TEAD1: variants seen among roughly 807,000 people sequenced by gnomAD.
The protein encoded by TEAD1 is transcriptional enhancer factor TEF-1.
TEAD1 carries 9 observed loss-of-function variants against 54.9 expected under a neutral mutation model. The ratio of observed to expected loss-of-function variants is 0.16; its 90% CI spans 0.10 to 0.29. The LOEUF (loss-of-function observed/expected upper bound fraction) is 0.29. TEAD1 is among the 10% of genes least tolerant of loss of function. The pLI is 1.00. For synonymous variants in TEAD1, 200 were observed against 187.8 expected, an observed-to-expected ratio of 1.07 and a Z score of -0.53; for missense variants, 387 against 535.9, an observed-to-expected ratio of 0.72 and a Z score of 2.74.
In TEAD1 at chr11:12,700,362, T is replaced by C. The variant is rs374504173; in HGVS notation, c.-55+24801T>C. Among the ~76,000 whole-genome samples, 4 of 152,182 alleles carry C rather than the reference T, an allele frequency of 2.6e-5. No homozygotes were observed. In the East Asian group the frequency reaches 7.7e-4, roughly 29 times the overall value. On this transcript the variant is annotated intron_variant, in intron 2 of 12. Coordinates refer to ENST00000527636, the MANE Select transcript of TEAD1 (RefSeq NM_021961.6). Reference sequence around the variant, plus strand: ...TCCATTTAAACCCTTTTGTTTTAGGTACAAATACCCAACCTGTGTGCACTT... The same window carrying C: ...TCCATTTAAACCCTTTTGTTTTAGGCACAAATACCCAACCTGTGTGCACTT...
chr11:12,716,665 A>C (rs1020689995), intron 2 of TEAD1, among the ~76,000 whole-genome samples: 1 of 152,214 alleles, frequency 6.6e-6, no homozygotes, highest in African/African-American at 2.4e-5. Flanking sequence ...GACAACATGA[A>C]AACCAGTGGA....
chr11:12,937,111 G>C lies in TEAD1; in HGVS notation c.1170G>C (p.Val390=), dbSNP rs749002309. The C allele has an allele frequency of 5.0e-6, 8 of 1,609,892 alleles. No individual in the cohort carries two copies. The highest frequency in any genetic ancestry group is 5.9e-6 in the Non-Finnish European group (7 of 1,176,742). Residue 390 remains valine, a splice_region_variant and synonymous_variant, in exon 13 of 13, where the codon GTG becomes GTC. Transcript: ENST00000527636. Reference sequence around the variant, plus strand: ...ATACTTTTTTTTTATCTTAACAGGTGGTAACAAACAGGGATACACAAGAAA... The same window carrying C: ...ATACTTTTTTTTTATCTTAACAGGTCGTAACAAACAGGGATACACAAGAAA...
chr11:12,925,379 C>T (rs575586512), intron 11 of TEAD1, among the ~76,000 whole-genome samples: 1 of 152,256 alleles, frequency 6.6e-6, no homozygotes, highest in South Asian at 2.1e-4. Context: ...AACCACCACA[C>T]ACTTTTAAAC....
Position 12,880,652 on chromosome 11 carries a change from A to G in TEAD1, c.466-353A>G, listed in dbSNP as rs144660270. 3.9e-4 allele frequency among the ~76,000 whole-genome samples: 60 copies of G among 152,306 alleles called. No homozygotes were observed. The East Asian group carries it at 5.2e-3, about 13-fold the overall frequency. On this transcript the variant is annotated intron_variant, in intron 6 of 12. Transcript: ENST00000527636. ...GTTGACGCAGAATATTATGCAGGGA[A>G]TGTTTCAGAATGAAGGGAGGGTACA...
At chr11:12,758,050 G>A (rs1219798948) in intron 2 of TEAD1, among the ~76,000 whole-genome samples, 2 of 152,200 alleles carry the variant, frequency 1.3e-5, no homozygotes, top group African/African-American at 2.4e-5. Context: ...AAAGTGCTAG[G>A]CATTATAGGC....
intron 3 of TEAD1, among the ~76,000 whole-genome samples, chr11:12,810,371 C>T (rs1946275901): frequency 6.6e-6 from 1 of 152,098 alleles, no homozygotes; most frequent in South Asian, 2.1e-4. Flanking sequence ...GATGTATGGA[C>T]GCTGGAGCAT....
At chr11:12,765,031 A>T (rs1436525692) in intron 3 of TEAD1, among the ~76,000 whole-genome samples, 1 of 151,678 alleles carries the variant, frequency 6.6e-6, no homozygotes, top group Non-Finnish European at 1.5e-5. Flanking sequence ...GCCAGTTTGC[A>T]GTTGAATGGT....
At chr11:12,919,819 A>G (rs1224518714) in intron 10 of TEAD1, among the ~76,000 whole-genome samples, 1 of 152,216 alleles carries the variant, frequency 6.6e-6, no homozygotes, top group African/African-American at 2.4e-5. Flanking sequence ...TATGTATACA[A>G]CATATGTTGA....
intron 2 of TEAD1, among the ~76,000 whole-genome samples, chr11:12,685,654 C>T (rs1267356725): frequency 2.0e-5 from 3 of 152,118 alleles, no homozygotes; most frequent in South Asian, 4.2e-4. Context: ...TAAAATGAAA[C>T]TTTTTTACTT....
intron 3 of TEAD1, among the ~76,000 whole-genome samples, chr11:12,814,681 G>A (rs938084137): frequency 7.2e-5 from 11 of 152,164 alleles, no homozygotes; most frequent in Admixed American, 3.3e-4. Flanking sequence ...CAGCAAGGGC[G>A]AGAGGCTTAG....
At chr11:12,674,997 T>TC (rs1943045644) in intron 1 of TEAD1, among the ~76,000 whole-genome samples, 163 bp downstream of exon 1, 1 of 140,714 alleles carries the variant, frequency 7.1e-6, no homozygotes, top group African/African-American at 2.6e-5. Context: ...CACACCCGCC[T>TC]CCCCGCGCCC....
intron 3 of TEAD1, among the ~76,000 whole-genome samples, chr11:12,817,319 G>A (rs1590180105): frequency 6.6e-6 from 1 of 152,298 alleles, no homozygotes; most frequent in East Asian, 1.9e-4. Flanking sequence ...TAAACATTTA[G>A]TGGTCAGCCA....
intron 3 of TEAD1, among the ~76,000 whole-genome samples, chr11:12,834,970 A>G (rs956531928): frequency 5.9e-5 from 9 of 152,152 alleles, no homozygotes; most frequent in Admixed American, 6.5e-5. Flanking sequence ...AATTGTGTAT[A>G]TAGAGAAAAT....
chr11:12,693,605 G>A (rs1029627028), intron 2 of TEAD1, among the ~76,000 whole-genome samples: 2 of 152,228 alleles, frequency 1.3e-5, no homozygotes, highest in African/African-American at 4.8e-5. Context: ...AAGCTTTGAT[G>A]ACGGCTTCCC....
chr11:12,925,621 A>C (rs1294346415), intron 11 of TEAD1, among the ~76,000 whole-genome samples: 1 of 152,234 alleles, frequency 6.6e-6, no homozygotes, highest in African/African-American at 2.4e-5. Context: ...GTCCCGTGCC[A>C]GTCCTCTGAC....
intron 5 of TEAD1, chr11:12,878,811 G>GCT (rs553963005): frequency 3.4e-5 from 26 of 767,292 alleles, no homozygotes; most frequent in South Asian, 1.6e-4. Flanking sequence ...ATATATATAT[G>GCT]TTTTTTTTTT....
intron 2 of TEAD1, among the ~76,000 whole-genome samples, chr11:12,717,165 A>C (rs1292067674): frequency 6.6e-6 from 1 of 152,236 alleles, no homozygotes; most frequent in African/African-American, 2.4e-5. Flanking sequence ...TAATATCCAG[A>C]GTGATTCGGG....
chr11:12,890,059 C>T (rs924452382), intron 9 of TEAD1, among the ~76,000 whole-genome samples: 1 of 152,146 alleles, frequency 6.6e-6, no homozygotes, highest in Non-Finnish European at 1.5e-5. Flanking sequence ...TAATGATCAT[C>T]ACCAGCACTT....
chr11:12,891,750 C>G (rs926979617), intron 9 of TEAD1, among the ~76,000 whole-genome samples: 1 of 152,202 alleles, frequency 6.6e-6, no homozygotes, highest in African/African-American at 2.4e-5. Context: ...CTGAATTTCA[C>G]AGTGTATGAG....
Sources: gnomAD v4.1 joint callset for allele counts (sites outside exome capture counted in the v4.1 genomes callset) on GRCh38, gnomAD v4.1.1 for gene constraint, MANE v1.5 for transcripts, NCBI Gene and HGNC (gene_info 2026-07-23, HGNC 2026-07-21) for gene names.